Variants in CTNND2 observed in about 807,000 individuals in gnomAD.
CTNND2 encodes the protein catenin delta-2.
In CTNND2, 22 loss-of-function variants were observed where a neutral mutation model predicts 144.4. That is an observed-to-expected ratio of 0.15 (90% CI 0.11 to 0.22). The LOEUF (loss-of-function observed/expected upper bound fraction) is 0.22, where lower values mean the gene tolerates loss of function less well. Ranked by LOEUF, CTNND2 falls within the 10% of genes least tolerant of loss-of-function variation. The probability of loss-of-function intolerance (pLI) is 1.00; values close to 1 mark genes in which losing one functional copy is unlikely to be tolerated. For missense variants in CTNND2, 1,353 were observed against 1,618.8 expected (o/e 0.84, Z 2.82); for synonymous variants, 751 against 695.6 (o/e 1.08, Z -1.25).
chr5:11,305,404 C>T (rs978374140), intron 9 of CTNND2, among the ~76,000 whole-genome samples: 8 of 152,212 alleles, frequency 5.3e-5, no homozygotes, highest in Non-Finnish European at 8.8e-5. Flanking sequence ...GCCACTGCAG[C>T]TTTCAGGCCA....
intron 10 of CTNND2, among the ~76,000 whole-genome samples, chr5:11,208,832 A>G (rs1738323067): frequency 6.6e-6 from 1 of 152,192 alleles, no homozygotes; most frequent in Admixed American, 6.5e-5. Flanking sequence ...ACTAAACAAA[A>G]TATTGGCTAC....
chr5:11,761,799 A>G (rs1463067374), intron 1 of CTNND2, among the ~76,000 whole-genome samples: 1 of 152,182 alleles, frequency 6.6e-6, no homozygotes, highest in Non-Finnish European at 1.5e-5. Flanking sequence ...ACTGTGCACT[A>G]TTTTATACAA....
chr5:11,697,095 C>A (rs998285439), intron 2 of CTNND2, among the ~76,000 whole-genome samples: 2 of 152,276 alleles, frequency 1.3e-5, no homozygotes, highest in African/African-American at 2.4e-5. Flanking sequence ...AGGAACCGGA[C>A]AAATATCATT....
chr5:11,903,831 C>A lies in CTNND2; in HGVS notation c.23G>T (p.Gly8Val). Residue 8 changes from glycine to valine, a missense_variant, in exon 1 of 22, where the codon GGC becomes GTC. By Grantham distance (109) the Gly-to-Val change is moderately radical. Around this residue, in one of 4 missense-constraint regions of CTNND2, gnomAD observed 708 missense variants for 706.4 expected, o/e 1.00. Transcript: ENST00000304623. This position sits in a 1 kb window ranked among gnomAD's most constrained non-coding sequence, Gnocchi z 5.4. ...CCGCAACTCACCCAAAGGCGCGGCG[C>A]CCGGCGGCTTCCTCGCAAACATGCA... MFARKPPGAAPLGAMPVP... is the reference protein window; with the variant it reads MFARKPPVAAPLGAMPVP... 6.7e-7 allele frequency: 1 copy of A among 1,483,012 alleles called. No homozygotes were observed. The highest frequency in any genetic ancestry group is 8.9e-7 in the Non-Finnish European group (1 of 1,123,078). The allele number at this position is 1,483,012 out of a possible 1,614,324, so 91.9% of individuals were successfully genotyped here. A position where few individuals can be genotyped will look rare whatever the true frequency, so the allele number is the denominator to read the frequency against.
chr5:11,717,626 A>G (rs1786427484), intron 2 of CTNND2, among the ~76,000 whole-genome samples: 2 of 151,930 alleles, frequency 1.3e-5, no homozygotes, highest in African/African-American at 4.8e-5. Context: ...TAAAGGAAAG[A>G]GGTTTAATGG....
intron 2 of CTNND2, among the ~76,000 whole-genome samples, chr5:11,713,786 A>C (rs927002837): frequency 1.3e-5 from 2 of 152,116 alleles, no homozygotes; most frequent in African/African-American, 4.8e-5. Context: ...CTTAGGGTAC[A>C]AATTGCAATG....
At chr5:11,450,670 C>T (rs1344920815) in intron 3 of CTNND2, among the ~76,000 whole-genome samples, 3 of 151,982 alleles carry the variant, frequency 2.0e-5, no homozygotes, top group Non-Finnish European at 2.9e-5. Context: ...GAGGCCGAGG[C>T]GGGTGGATCA....
intron 1 of CTNND2, among the ~76,000 whole-genome samples, chr5:11,753,949 C>A (rs966065625): frequency 5.3e-5 from 8 of 150,480 alleles, no homozygotes; most frequent in Non-Finnish European, 8.9e-5. Context: ...CTTTCTAGTG[C>A]ATAGAGGTGT....
At chr5:11,045,197 G>T (rs78766774) in intron 16 of CTNND2, among the ~76,000 whole-genome samples, 29,292 of 152,144 alleles carry the variant, frequency 0.19, 3,366 homozygotes, top group Middle Eastern at 0.3. Context: ...ACCTGAGACT[G>T]GGTAATTCGT....
intron 9 of CTNND2, among the ~76,000 whole-genome samples, chr5:11,294,783 C>A (rs1394562873): frequency 6.6e-6 from 1 of 152,124 alleles, no homozygotes; most frequent in African/African-American, 2.4e-5. Context: ...AATTCAACAA[C>A]CCTTCATGCT....
chr5:11,803,304 G>A (rs562355414), intron 1 of CTNND2, among the ~76,000 whole-genome samples: 27 of 144,692 alleles, frequency 1.9e-4, no homozygotes, highest in African/African-American at 6.3e-4. Flanking sequence ...TGGCAACAGA[G>A]CGAGACTGCG....
intron 9 of CTNND2, among the ~76,000 whole-genome samples, chr5:11,293,286 T>C (rs1460270753): frequency 2.0e-5 from 3 of 152,156 alleles, no homozygotes; most frequent in Admixed American, 6.5e-5. Flanking sequence ...CAGGTGACCC[T>C]CATACAATTC....
chr5:11,210,246 A>G (rs1021007323), intron 10 of CTNND2, among the ~76,000 whole-genome samples: 7 of 152,150 alleles, frequency 4.6e-5, no homozygotes, highest in African/African-American at 1.7e-4. Context: ...AAAATACCAA[A>G]AATTAGCCAG....
chr5:11,063,616 A>T (rs1443659447), intron 16 of CTNND2, among the ~76,000 whole-genome samples: 3 of 152,200 alleles, frequency 2.0e-5, no homozygotes, highest in Non-Finnish European at 2.9e-5. Flanking sequence ...ATGACGTAGA[A>T]TTTCTAATAT....
intron 7 of CTNND2, among the ~76,000 whole-genome samples, chr5:11,376,326 G>GTGTGTGTGTGTGTTCATGTATC (rs1757943260): frequency 2.0e-5 from 3 of 152,086 alleles, no homozygotes; most frequent in African/African-American, 7.2e-5. Context: ...GTGTGTGTGT[G>GTGTGTGTGTGTGTTCATGTATC]TGTGTGTGTG....
At chr5:11,653,365 G>T (rs778066466) in intron 2 of CTNND2, among the ~76,000 whole-genome samples, 2 of 151,856 alleles carry the variant, frequency 1.3e-5, no homozygotes, top group Non-Finnish European at 2.9e-5. Flanking sequence ...TCATGATGAG[G>T]GTTCTCTTTT....
rs1758214163 is a variant in CTNND2, at chr5:11,378,971, C to G, written c.1177+5694G>C. 2.6e-5 allele frequency among the ~76,000 whole-genome samples: 4 copies of G among 152,260 alleles called. No individual in the cohort carries two copies. The South Asian group carries it at 8.3e-4, about 32-fold the overall frequency. On this transcript the variant is annotated intron_variant, in intron 7 of 21. Transcript: ENST00000304623. ...GACCAAATTCCTCTCCATATTAGGT[C>G]AATTTTGATTTAAATCATTGGTTAA...
At chr5:11,068,726 T>C (rs13354156) in intron 16 of CTNND2, among the ~76,000 whole-genome samples, 8,460 of 152,144 alleles carry the variant, frequency 0.056, 337 homozygotes, top group African/African-American at 0.11. Flanking sequence ...CCATCCTGGC[T>C]AACACGGTGA....
At chr5:11,815,093 C>T (rs1792552921) in intron 1 of CTNND2, among the ~76,000 whole-genome samples, 1 of 151,970 alleles carries the variant, frequency 6.6e-6, no homozygotes, top group Non-Finnish European at 1.5e-5. Context: ...ATACAAATCC[C>T]TACAAAACAG....
Sources: allele counts gnomAD v4.1 joint callset (sites outside exome capture counted in the v4.1 genomes callset), GRCh38; gene constraint gnomAD v4.1.1; regional missense constraint gnomAD v4.1.1; non-coding constraint Gnocchi (gnomAD v3.1); transcripts MANE v1.5; gene names NCBI Gene and HGNC (gene_info 2026-07-23, HGNC 2026-07-21).